USPL1: variants seen among roughly 807,000 people sequenced by gnomAD.
USPL1 encodes the protein ubiquitin specific peptidase like 1.
In USPL1, 27 loss-of-function variants were observed where a neutral mutation model predicts 51.5. The observed-to-expected ratio is 0.52, with a 90% confidence interval of 0.39 to 0.72. The LOEUF is 0.72. Ranked by LOEUF, USPL1 falls within the 30% of genes least tolerant of loss-of-function variation. The pLI is 0.00. For synonymous variants in USPL1, 451 were observed against 459.6 expected, an observed-to-expected ratio of 0.98 and a Z score of 0.24; for missense variants, 1,226 against 1,268.0, an observed-to-expected ratio of 0.97 and a Z score of 0.50.
chr13:30,653,819 A>G (rs1566059952), intron 8 of USPL1, among the ~76,000 whole-genome samples: 1 of 152,214 alleles, frequency 6.6e-6, no homozygotes, highest in Non-Finnish European at 1.5e-5. Context: ...CTGATATGGT[A>G]AAATATTGAG....
At position 30,631,539 on chromosome 13, in the gene USPL1, C is replaced by G. The variant is rs542042010; in HGVS notation, c.868+65C>G. The G allele has an allele frequency of 2.7e-5, 40 of 1,461,626 alleles. No homozygotes were observed. The African/African-American group carries it at 5.3e-4, about 19-fold the overall frequency. 90.5% of individuals were successfully genotyped at this position (1,461,626 alleles called of 1,614,324 possible). A position where few individuals can be genotyped will look rare whatever the true frequency, so the allele number is the denominator to read the frequency against. Reference sequence around the variant, plus strand: ...ATCTGGAGTCAGGGTCTCATTCTGTCACCCAGGCTGGAGTGCAGTGGCATG... The same window carrying G: ...ATCTGGAGTCAGGGTCTCATTCTGTGACCCAGGCTGGAGTGCAGTGGCATG... On this transcript the variant is annotated intron_variant, in intron 4 of 8. Coordinates refer to ENST00000255304, the MANE Select transcript of USPL1 (RefSeq NM_005800.5).
chr13:30,639,962 A>G (rs1950925381), intron 5 of USPL1, among the ~76,000 whole-genome samples: 1 of 152,188 alleles, frequency 6.6e-6, no homozygotes, highest in African/African-American at 2.4e-5. Context: ...TCTATGTAAC[A>G]GAAGGAATTT....
chr13:30,652,218 T>C (rs1262238324), intron 7 of USPL1, among the ~76,000 whole-genome samples: 1 of 152,370 alleles, frequency 6.6e-6, no homozygotes, highest in Non-Finnish European at 1.5e-5. Flanking sequence ...TTTAGTGTTA[T>C]AGACAGTTTG....
At chr13:30,632,879 GTTTTTCA>G (rs1950826172) in intron 4 of USPL1, among the ~76,000 whole-genome samples, 2 of 152,122 alleles carry the variant, frequency 1.3e-5, no homozygotes. Context: ...TAAGGGATAT[GTTTTTCA>G]TTTTATTCTC....
At position 30,659,546 on chromosome 13, in the gene USPL1, G is replaced by GT. The variant is rs1951228023; in HGVS notation, c.*191dup. 1 of 504,344 alleles carries GT rather than the reference G, an allele frequency of 2.0e-6. No individual in the cohort carries two copies. The highest frequency in any genetic ancestry group is 2.0e-5 in the African/African-American group (1 of 50,512). 31.2% of individuals were successfully genotyped at this position (504,344 alleles called of 1,614,324 possible). A position where few individuals can be genotyped will look rare whatever the true frequency, so the allele number is the denominator to read the frequency against. On this transcript the variant is annotated 3_prime_UTR_variant, in exon 9 of 9. Coordinates refer to ENST00000255304, the MANE Select transcript of USPL1 (RefSeq NM_005800.5). ...TTCTTACACATTAAAATCACTGAAT[G>GT]TGTTCTCCTTTTTGGTTTCATTTTG... is the stretch of plus-strand genomic sequence containing the variant.
At chr13:30,654,131 T>C (rs1353581961) in intron 8 of USPL1, among the ~76,000 whole-genome samples, 3 of 152,220 alleles carry the variant, frequency 2.0e-5, no homozygotes, top group East Asian at 1.9e-4. Flanking sequence ...TATTTTAACT[T>C]TTTTTGCATT....
intron 4 of USPL1, among the ~76,000 whole-genome samples, chr13:30,635,957 A>G (rs1950870563): frequency 6.6e-6 from 1 of 152,186 alleles, no homozygotes; most frequent in South Asian, 2.1e-4. Flanking sequence ...ATGTAGAAAA[A>G]ATACCTCAGT....
chr13:30,653,389 T>A, intron 8 of USPL1, 84 bp downstream of exon 8: 1 of 1,374,090 alleles, frequency 7.3e-7, no homozygotes, highest in Non-Finnish European at 9.7e-7. Flanking sequence ...TTTTGTTTTA[T>A]AAAAAAAGAC....
At chr13:30,644,020 C>A (rs577167216) in intron 6 of USPL1, among the ~76,000 whole-genome samples, 21 of 151,712 alleles carry the variant, frequency 1.4e-4, no homozygotes, top group Non-Finnish European at 2.6e-4. Flanking sequence ...CACAGTGGCT[C>A]ACATCTGTAA....
intron 3 of USPL1, among the ~76,000 whole-genome samples, chr13:30,622,140 T>C (rs1950654953): frequency 6.6e-6 from 1 of 150,924 alleles, no homozygotes; most frequent in Non-Finnish European, 1.5e-5. Context: ...GGTTTTTTTC[T>C]TTTTTTTTAA....
rs1951179531 is a variant in USPL1 at position 30,657,523 on chromosome 13, C to T, written c.1446C>T (p.His482=). The change falls in exon 9 of 9, where the codon CAC becomes CAT. Residue 482 remains histidine (H), a synonymous_variant. Transcript: ENST00000255304. ...DDLKGPCSER[H]KKFEVPASEI... ...TAAAAGGCCCATGTTCTGAAAGGCA[C>T]AAGAAATTTGAAGTTCCTGCTTCAG... The T allele has an allele frequency of 6.2e-7, 1 of 1,612,222 alleles. No individual in the cohort carries two copies. Among genetic ancestry groups the T allele is most frequent in the South Asian group, 1.1e-5 (1 of 90,714 alleles).
intron 4 of USPL1, among the ~76,000 whole-genome samples, chr13:30,633,857 T>C (rs1435134076): frequency 6.6e-6 from 1 of 152,002 alleles, no homozygotes; most frequent in East Asian, 1.9e-4. Flanking sequence ...AACATTTGTT[T>C]CTGATCGTGT....
At chr13:30,630,054 G>A (rs897378309) in intron 3 of USPL1, among the ~76,000 whole-genome samples, 4 of 151,980 alleles carry the variant, frequency 2.6e-5, no homozygotes, top group South Asian at 2.1e-4. Flanking sequence ...ATAGCTCATT[G>A]CAGCCTCCAA....
At chr13:30,627,523 CTTT>C (rs5802579) in intron 3 of USPL1, among the ~76,000 whole-genome samples, 1 of 144,322 alleles carries the variant, frequency 6.9e-6, no homozygotes. Flanking sequence ...CTGTTTTGTT[CTTT>C]TTTTTTTTTT....
rs544417219 is a variant in USPL1 at position 30,637,454 on chromosome 13, G to C, written c.869-290G>C. On this transcript the variant is annotated intron_variant, in intron 4 of 8. Coordinates refer to ENST00000255304, the MANE Select transcript of USPL1 (RefSeq NM_005800.5). ...GGTAACTTTAGCTGTTTTAGAGATA[G>C]ACATAGTATCTGAAAGGTTAGTTAT... Among the ~76,000 whole-genome samples the C allele has an allele frequency of 4.6e-5, 7 of 152,294 alleles. No homozygotes were observed. In the South Asian group the frequency reaches 1.5e-3, roughly 32 times the overall value.
At position 30,647,022 on chromosome 13, in the gene USPL1, C is replaced by G; in HGVS notation, c.1203C>G (p.Asn401Lys). The G allele has an allele frequency of 6.2e-7, 1 of 1,612,526 alleles. No homozygotes were observed. The highest frequency in any genetic ancestry group is 8.5e-7 in the Non-Finnish European group (1 of 1,178,720). ...AAHFGPCNNC[N>K]SKSQIRKMVL... Reference sequence around the variant, plus strand: ...ATTTTGGTCCATGTAACAATTGCAACAGTAAATCACAAATAAGAAAAATGG... The same window carrying G: ...ATTTTGGTCCATGTAACAATTGCAAGAGTAAATCACAAATAAGAAAAATGG... Residue 401 changes from asparagine (N) to lysine (K), a missense_variant, in exon 7 of 9, where the codon AAC (asparagine) becomes AAG (lysine). By Grantham distance (94) the Asn-to-Lys change is moderately conservative. Coordinates refer to ENST00000255304, the MANE Select transcript of USPL1 (RefSeq NM_005800.5).
chr13:30,631,257 A>G lies in USPL1; in HGVS notation c.651A>G (p.Lys217=), dbSNP rs1362533208. The G allele has an allele frequency of 6.2e-7, 1 of 1,614,192 alleles. No individual in the cohort carries two copies. The highest frequency in any genetic ancestry group is 8.5e-7 in the Non-Finnish European group (1 of 1,180,036). Residue 217 remains lysine, a synonymous_variant, in exon 4 of 9, where the codon AAA becomes AAG. Coordinates refer to ENST00000255304, the MANE Select transcript of USPL1 (RefSeq NM_005800.5). The part of the protein sequence containing the change: ...TSKLEMPLES[K]CTSFPQALCV... Reference sequence around the variant, plus strand: ...AACTGGAAATGCCACTGGAGAGCAAATGTACATCATTTCCCCAGGCTTTAT... The same window carrying G: ...AACTGGAAATGCCACTGGAGAGCAAGTGTACATCATTTCCCCAGGCTTTAT...
At chr13:30,643,639 C>T (rs1451341548) in intron 6 of USPL1, among the ~76,000 whole-genome samples, 1 of 117,328 alleles carries the variant, frequency 8.5e-6, no homozygotes, top group African/African-American at 3.4e-5. Flanking sequence ...GTTGGAGTCT[C>T]GCTCCCGTCA....
Position 30,659,411 on chromosome 13 carries a change from C to G in USPL1, c.*55C>G. 7.2e-7 allele frequency: 1 copy of G among 1,393,072 alleles called. No homozygotes were observed. 86.3% of individuals were successfully genotyped at this position (1,393,072 alleles called of 1,614,324 possible). The stretch of plus-strand genomic sequence containing the variant: ...TATTTATTATTATTAGAAGAACTTA[C>G]AATGTGTTCAGGTAGTGTTTATACA... On this transcript the variant is annotated 3_prime_UTR_variant, in exon 9 of 9. Coordinates refer to ENST00000255304, the MANE Select transcript of USPL1 (RefSeq NM_005800.5).
Sources: gnomAD v4.1 joint callset for allele counts (sites outside exome capture counted in the v4.1 genomes callset) on GRCh38, gnomAD v4.1.1 for gene constraint, MANE v1.5 for transcripts, NCBI Gene and HGNC (gene_info 2026-07-23, HGNC 2026-07-21) for gene names.